Variants in ALKBH1 observed in about 807,000 individuals in gnomAD.
The protein encoded by ALKBH1 is alkB homolog 1, histone H2A dioxygenase.
In ALKBH1, 31 loss-of-function variants were observed where a neutral mutation model predicts 36.6. The ratio of observed to expected loss-of-function variants is 0.85; its 90% CI spans 0.64 to 1.14. The LOEUF (loss-of-function observed/expected upper bound fraction) is 1.14, where lower values mean the gene tolerates loss of function less well. Ranked by LOEUF, ALKBH1 falls within the 50% of genes most tolerant of loss-of-function variation. The probability of loss-of-function intolerance (pLI) is 0.00; values close to 1 mark genes in which losing one functional copy is unlikely to be tolerated. For missense variants in ALKBH1, 490 were observed against 497.3 expected (o/e 0.99, Z 0.14); for synonymous variants, 183 against 186.6 (o/e 0.98, Z 0.16).
At chr14:77,683,550 C>A in intron 3 of ALKBH1, 1 of 583,874 alleles carries the variant, frequency 1.7e-6, no homozygotes, top group East Asian at 3.3e-5. Flanking sequence ...TACCCATTCC[C>A]ATTCCCTTAA....
At chr14:77,703,242 TAA>T (rs1403996655) in intron 2 of ALKBH1, among the ~76,000 whole-genome samples, 1 of 151,930 alleles carries the variant, frequency 6.6e-6, no homozygotes, top group Non-Finnish European at 1.5e-5. Context: ...CTTGGCCTTC[TAA>T]AGTGTTGGGA....
intron 4 of ALKBH1, 141 bp downstream of exon 4, chr14:77,679,739 A>C (rs879651792): frequency 6.0e-6 from 4 of 665,398 alleles, no homozygotes; most frequent in Non-Finnish European, 7.5e-6. Context: ...CCCAGTTGAG[A>C]TTTTTTAAGG....
intron 3 of ALKBH1, among the ~76,000 whole-genome samples, chr14:77,681,343 T>A (rs1379281933): frequency 6.6e-6 from 1 of 151,956 alleles, no homozygotes; most frequent in Non-Finnish European, 1.5e-5. Flanking sequence ...GAGTTGGGAG[T>A]TGAGCACGGC....
At chr14:77,674,347 T>G in intron 5 of ALKBH1, 106 bp from the exon 6 acceptor site, 2 of 1,217,632 alleles carry the variant, frequency 1.6e-6, no homozygotes, top group Non-Finnish European at 2.2e-6. Flanking sequence ...TAATTTCAGG[T>G]TGATATTTAT....
chr14:77,681,692 T>C (rs1467919206), intron 3 of ALKBH1, among the ~76,000 whole-genome samples: 2 of 152,220 alleles, frequency 1.3e-5, no homozygotes, highest in African/African-American at 4.8e-5. Context: ...TCTCTGGAAG[T>C]GTTAAGAGTG....
chr14:77,704,231 G>T, intron 2 of ALKBH1, 138 bp downstream of exon 2: 1 of 675,434 alleles, frequency 1.5e-6, no homozygotes, highest in Non-Finnish European at 2.6e-6. Flanking sequence ...TCTAGAATGG[G>T]TTTGGAAATG....
intron 3 of ALKBH1, among the ~76,000 whole-genome samples, chr14:77,691,021 G>A (rs1409671995): frequency 1.3e-5 from 2 of 151,978 alleles, no homozygotes; most frequent in Non-Finnish European, 2.9e-5. Context: ...GGCTGGTCTC[G>A]AACTCCTGAC....
At chr14:77,694,691 T>TA (rs2080317169) in intron 3 of ALKBH1, 47 bp downstream of exon 3, 1 of 1,418,854 alleles carries the variant, frequency 7.0e-7, no homozygotes, top group Non-Finnish European at 9.3e-7. Context: ...AGACCTGTGA[T>TA]GATCTGAGCT....
intron 3 of ALKBH1, among the ~76,000 whole-genome samples, chr14:77,682,806 T>C (rs894839653): frequency 6.6e-6 from 1 of 152,112 alleles, no homozygotes; most frequent in African/African-American, 2.4e-5. Context: ...GAAGTGATTC[T>C]CCTGCCTCAG....
chr14:77,684,012 GC>G (rs2080253778), intron 3 of ALKBH1: 1 of 152,526 alleles, frequency 6.6e-6, no homozygotes, highest in Non-Finnish European at 1.5e-5. Context: ...CTGGAAGATG[GC>G]AGTTCCAGCT....
At chr14:77,684,364 T>A (rs918513022) in intron 3 of ALKBH1, among the ~76,000 whole-genome samples, 1 of 128,162 alleles carries the variant, frequency 7.8e-6, no homozygotes, top group Admixed American at 8.9e-5. Flanking sequence ...GCTTTATTCT[T>A]TTTCTTTTTT....
chr14:77,707,236 T>C (rs1481543646), intron 1 of ALKBH1, among the ~76,000 whole-genome samples: 2 of 152,188 alleles, frequency 1.3e-5, no homozygotes, highest in East Asian at 3.9e-4. Context: ...GAGCCACCGC[T>C]CCCGGACTGT....
In ALKBH1 at chr14:77,699,881, C is replaced by T. The variant is rs1441472261; in HGVS notation, c.292+4488G>A. On this transcript the variant is annotated intron_variant, in intron 2 of 5. Coordinates refer to ENST00000216489, the MANE Select transcript of ALKBH1 (RefSeq NM_006020.3). ...CATCCTGGCTAACACAATGAAACCC[C>T]GTCTCTACTAAAAAATACAAAAAAT... Among the ~76,000 whole-genome samples, 3 of 151,906 alleles carry T rather than the reference C, an allele frequency of 2.0e-5. No individual in the cohort carries two copies. The South Asian group carries it at 6.3e-4, about 32-fold the overall frequency.
chr14:77,706,754 TG>T (rs2080394318), intron 1 of ALKBH1, among the ~76,000 whole-genome samples: 2 of 152,340 alleles, frequency 1.3e-5, no homozygotes, highest in South Asian at 4.1e-4. Flanking sequence ...ATATTATTAT[TG>T]GGGTGTGGAC....
chr14:77,673,889 T>TAG lies in ALKBH1; in HGVS notation c.1092_1093insCT (p.Ile365LeufsTer17). The TAG allele has an allele frequency of 6.2e-7, 1 of 1,614,252 alleles. No individual in the cohort carries two copies. The highest frequency in any genetic ancestry group is 8.5e-7 in the Non-Finnish European group (1 of 1,180,044). The stretch of plus-strand genomic sequence containing the variant: ...AGATGGCAGAAACCTTCTGTACTGA[T>TAG]GTCTCTTTTTTCATCCTCGATGGGT... On this transcript the variant is annotated frameshift_variant, in exon 6 of 6. Coordinates refer to ENST00000216489, the MANE Select transcript of ALKBH1 (RefSeq NM_006020.3). LOFTEE classifies it high-confidence loss of function.
Position 77,694,871 on chromosome 14 carries a change from G to C in ALKBH1, c.322C>G (p.Pro108Ala), listed in dbSNP as rs1261062176. ...TTCACCCAGTGCCACTGGTAACCTG[G>C]GAGGAAGGGGTTTGGGATAAAAATA... ...GFIFIPNPFL[P>A]GYQWHWVKQC... The change falls in exon 3 of 6, where the codon CCA (proline) becomes GCA (alanine). Residue 108 changes from proline to alanine, a missense_variant. Physicochemically the swap from Pro to Ala is conservative, Grantham distance 27 (BLOSUM62 -1). Transcript: ENST00000216489. 1 of 1,570,624 alleles carries C rather than the reference G, an allele frequency of 6.4e-7. No homozygotes were observed. Among genetic ancestry groups the C allele is most frequent in the African/African-American group, 1.4e-5 (1 of 73,232 alleles).
At chr14:77,687,113 GT>G (rs2080272235) in intron 3 of ALKBH1, among the ~76,000 whole-genome samples, 1 of 152,172 alleles carries the variant, frequency 6.6e-6, no homozygotes, top group South Asian at 2.1e-4. Context: ...CAAGTCCTTA[GT>G]TTTGTTCTTA....
rs111707644 is a variant in ALKBH1, at chr14:77,699,938, T to C, written c.292+4431A>G. 6.2e-3 allele frequency among the ~76,000 whole-genome samples: 944 copies of C among 151,936 alleles called. 12 individuals carry two copies. Among genetic ancestry groups the C allele is most frequent in the Non-Finnish European group, 7.0e-3 (477 of 67,934 alleles). Reference sequence around the variant, plus strand: ...GGCGTGGTGGCGGGCGCCTGTAGTCTCAGCTACTTGGGAGGCTGAGGCAGG... The same window carrying C: ...GGCGTGGTGGCGGGCGCCTGTAGTCCCAGCTACTTGGGAGGCTGAGGCAGG... On this transcript the variant is annotated intron_variant, in intron 2 of 5. Transcript: ENST00000216489.
chr14:77,675,654 A>C lies in ALKBH1; in HGVS notation c.740+2T>G. 3 of 1,597,388 alleles carry C rather than the reference A, an allele frequency of 1.9e-6. No individual in the cohort carries two copies. The highest frequency in any genetic ancestry group is 2.6e-6 in the Non-Finnish European group (3 of 1,167,614). ...AATCCCAAATCCCTGGAACTAACTC[A>C]CCTGAATGACAGCAAGGGTTTGGAG... is the stretch of plus-strand genomic sequence containing the variant. On this transcript the variant is annotated splice_donor_variant, in intron 5 of 5. Coordinates refer to ENST00000216489, the MANE Select transcript of ALKBH1 (RefSeq NM_006020.3). LOFTEE classifies it high-confidence loss of function.
Sources: allele counts gnomAD v4.1 joint callset (sites outside exome capture counted in the v4.1 genomes callset), GRCh38; gene constraint gnomAD v4.1.1; transcripts MANE v1.5; gene names NCBI Gene and HGNC (gene_info 2026-07-23, HGNC 2026-07-21).